HACE1: variants seen among roughly 807,000 people sequenced by gnomAD.
The protein encoded by HACE1 is HECT domain and ankyrin repeat containing E3 ubiquitin protein ligase 1.
Under a neutral mutation model 118.4 loss-of-function variants are expected in HACE1, and 73 were observed. The ratio of observed to expected loss-of-function variants is 0.62; its 90% CI spans 0.51 to 0.75. The LOEUF (loss-of-function observed/expected upper bound fraction) is 0.75. Among genes scored for constraint, HACE1 ranks in the 30% least tolerant of loss-of-function variants. The pLI, the probability that HACE1 is intolerant of heterozygous loss-of-function variation, is 0.00. For missense variants in HACE1, 749 were observed against 1,102.2 expected (o/e 0.68, Z 4.54); for synonymous variants, 368 against 374.8 (o/e 0.98, Z 0.21).
intron 11 of HACE1, chr6:104,787,505 T>C (rs1183286174): frequency 1.3e-5 from 2 of 152,154 alleles, no homozygotes; most frequent in Non-Finnish European, 2.9e-5. Context: ...TCAGCAAAAC[T>C]ATTTAGCTTT....
At chr6:104,831,126 C>A (rs1006658932) in intron 6 of HACE1, 5 of 152,050 alleles carry the variant, frequency 3.3e-5, no homozygotes, top group African/African-American at 1.2e-4. Flanking sequence ...AAAATTACAG[C>A]AAAGCAGAAA....
At chr6:104,768,638 A>T (rs749921145) in intron 19 of HACE1, among the ~76,000 whole-genome samples, 24 of 151,798 alleles carry the variant, frequency 1.6e-4, no homozygotes, top group Non-Finnish European at 3.4e-4. Context: ...ATGTTTATAT[A>T]AAAAAAATGA....
intron 19 of HACE1, among the ~76,000 whole-genome samples, chr6:104,754,467 C>T (rs1778396650): frequency 6.6e-6 from 1 of 152,228 alleles, no homozygotes; most frequent in South Asian, 2.1e-4. Flanking sequence ...GTCTTCACAT[C>T]AGATTCCCCA....
At chr6:104,740,207 A>G (rs1443964483) in intron 22 of HACE1, among the ~76,000 whole-genome samples, 1 of 145,830 alleles carries the variant, frequency 6.9e-6, no homozygotes, top group Non-Finnish European at 1.5e-5. Flanking sequence ...TGCCCACAAG[A>G]GAAAGCAGGA....
rs1778405010 is a variant in HACE1 at position 104,754,591 on chromosome 6, G to GT, written c.2212-4120dup. 3.9e-5 allele frequency among the ~76,000 whole-genome samples: 6 copies of GT among 152,152 alleles called. No homozygotes were observed. In the South Asian group the frequency reaches 1.2e-3, roughly 32 times the overall value. On this transcript the variant is annotated intron_variant, in intron 19 of 23. Transcript: ENST00000262903. ...CTTCAGACTAATAGCAAACCTCTCA[G>GT]TAAAAACCCTGCAAGCCAGAAGAGA...
At chr6:104,832,447 A>G (rs1173944458) in intron 6 of HACE1, among the ~76,000 whole-genome samples, 1 of 151,998 alleles carries the variant, frequency 6.6e-6, no homozygotes, top group African/African-American at 2.4e-5. Context: ...AGGCTGGAGT[A>G]TAGTGGCACA....
chr6:104,762,106 G>T (rs1779422895), intron 19 of HACE1, among the ~76,000 whole-genome samples: 1 of 152,178 alleles, frequency 6.6e-6, no homozygotes, highest in South Asian at 2.1e-4. Context: ...TGGTGGGAGT[G>T]TAAATTAGTT....
At chr6:104,843,898 T>G (rs548436166) in intron 4 of HACE1, among the ~76,000 whole-genome samples, 1 of 152,044 alleles carries the variant, frequency 6.6e-6, no homozygotes, top group South Asian at 2.1e-4. Context: ...GACAGAGTCT[T>G]GCCAGGCTGG....
intron 6 of HACE1, among the ~76,000 whole-genome samples, chr6:104,812,531 A>G (rs773594228): frequency 1.3e-5 from 2 of 152,214 alleles, no homozygotes; most frequent in Non-Finnish European, 1.5e-5. Flanking sequence ...GCTTTTAAAC[A>G]AAGTACAATG....
At chr6:104,752,669 C>A (rs1024444157) in intron 19 of HACE1, among the ~76,000 whole-genome samples, 6 of 151,998 alleles carry the variant, frequency 3.9e-5, no homozygotes, top group Non-Finnish European at 8.8e-5. Flanking sequence ...AATTGCATTC[C>A]ATATCTATCA....
chr6:104,770,291 C>T (rs1450936428), intron 19 of HACE1, among the ~76,000 whole-genome samples: 1 of 152,136 alleles, frequency 6.6e-6, no homozygotes, highest in East Asian at 1.9e-4. Flanking sequence ...TATTTTCTAA[C>T]TCCAAATACC....
chr6:104,829,737 C>T (rs897463194), intron 6 of HACE1, among the ~76,000 whole-genome samples: 2 of 152,042 alleles, frequency 1.3e-5, no homozygotes, highest in Non-Finnish European at 2.9e-5. Context: ...CTTTTTGTAC[C>T]CCTCCTCCTC....
intron 19 of HACE1, among the ~76,000 whole-genome samples, chr6:104,765,622 T>C (rs1439499308): frequency 6.6e-6 from 1 of 152,206 alleles, no homozygotes; most frequent in African/African-American, 2.4e-5. Flanking sequence ...ATGAATATCA[T>C]GTCTCTTCTT....
chr6:104,846,104 C>T (rs949857969), intron 4 of HACE1, among the ~76,000 whole-genome samples: 15 of 152,250 alleles, frequency 9.9e-5, no homozygotes, highest in Admixed American at 2.0e-4. Context: ...TATAATGCTT[C>T]CCCTTCCAAA....
At chr6:104,751,296 A>C (rs1031986298) in intron 19 of HACE1, among the ~76,000 whole-genome samples, 5 of 152,236 alleles carry the variant, frequency 3.3e-5, no homozygotes, top group African/African-American at 1.2e-4. Context: ...TTCAAAAAAT[A>C]TGTGAAGAAT....
In HACE1 at chr6:104,831,890, CA is replaced by C. The variant is rs1276071918; in HGVS notation, c.534+1151del. On this transcript the variant is annotated intron_variant, in intron 6 of 23. Coordinates refer to ENST00000262903, the MANE Select transcript of HACE1 (RefSeq NM_020771.4). ...CCTGGGGAACAGAGTGAGACTCCAT[CA>C]AAAAAAAGAGAGAGAAAGAAAAGAG... Among the ~76,000 whole-genome samples the C allele has an allele frequency of 8.5e-5, 9 of 105,960 alleles. No individual in the cohort carries two copies. In the East Asian group the frequency reaches 2.4e-3, roughly 28 times the overall value. The allele number at this position is 105,960 out of a possible 152,430, so 69.5% of individuals were successfully genotyped here.
chr6:104,853,112 G>A (rs569448228), intron 1 of HACE1, among the ~76,000 whole-genome samples: 87 of 152,274 alleles, frequency 5.7e-4, no homozygotes, highest in Non-Finnish European at 1.2e-3. Flanking sequence ...TTTCATGAAT[G>A]GATTAATTCT....
At chr6:104,838,203 A>G (rs1420154965) in intron 5 of HACE1, among the ~76,000 whole-genome samples, 2 of 152,214 alleles carry the variant, frequency 1.3e-5, no homozygotes, top group East Asian at 3.8e-4. Flanking sequence ...AACAGAAAAG[A>G]TAATTCTAAA....
chr6:104,807,342 A>G (rs1266827420), intron 7 of HACE1, among the ~76,000 whole-genome samples: 3 of 152,090 alleles, frequency 2.0e-5, no homozygotes, highest in Non-Finnish European at 4.4e-5. Context: ...ACTCTTTTAT[A>G]TGGCTACTTT....
Sources: gnomAD v4.1 joint callset for allele counts (sites outside exome capture counted in the v4.1 genomes callset) on GRCh38, gnomAD v4.1.1 for gene constraint, MANE v1.5 for transcripts, NCBI Gene and HGNC (gene_info 2026-07-23, HGNC 2026-07-21) for gene names.